Variants in IL1RAPL1 observed in about 807,000 individuals in gnomAD.
IL1RAPL1 encodes interleukin-1 receptor accessory protein-like 1.
IL1RAPL1 carries 3 observed loss-of-function variants against 48.4 expected under a neutral mutation model. The ratio of observed to expected loss-of-function variants is 0.06; its 90% CI spans 0.03 to 0.16. IL1RAPL1 has a LOEUF of 0.16. IL1RAPL1 is among the 10% of genes least tolerant of loss of function. The pLI is 1.00. For synonymous variants in IL1RAPL1, 185 were observed against 187.7 expected (o/e 0.99, Z 0.12); for missense variants, 349 against 530.6 (o/e 0.66, Z 3.36).
intron 5 of IL1RAPL1, among the ~76,000 whole-genome samples, chrX:29,608,088 C>T (rs1602323017): frequency 8.9e-6 from 1 of 112,346 alleles, no homozygotes; most frequent in Non-Finnish European, 1.9e-5. Context: ...TAGAGTTACT[C>T]GTGCATCAGA....
At chrX:29,170,515 C>G (rs935017057) in intron 2 of IL1RAPL1, among the ~76,000 whole-genome samples, 1 of 111,631 alleles carries the variant, frequency 9.0e-6, no homozygotes. Context: ...TTCAATATAA[C>G]TATGATTTCA....
At chrX:28,784,353 T>A (rs1336361981) in intron 1 of IL1RAPL1, among the ~76,000 whole-genome samples, 1 of 111,985 alleles carries the variant, frequency 8.9e-6, no homozygotes, top group African/African-American at 3.2e-5. Flanking sequence ...TTAAGTAAAA[T>A]ATAGTGAATC....
chrX:29,406,217 G>A (rs917350745), intron 5 of IL1RAPL1, among the ~76,000 whole-genome samples: 22 of 111,028 alleles, frequency 2.0e-4, no homozygotes, highest in African/African-American at 6.9e-4. Context: ...GTGGAACCCT[G>A]TCTCTACTAA....
chrX:29,802,804 T>TATGTATAC (rs1569172818), intron 6 of IL1RAPL1, among the ~76,000 whole-genome samples: 18 of 59,409 alleles, frequency 3.0e-4, no homozygotes, highest in African/African-American at 1.6e-3. Context: ...TATATATATA[T>TATGTATAC]ATATATGTGT....
intron 3 of IL1RAPL1, among the ~76,000 whole-genome samples, chrX:29,335,577 C>T (rs1932982044): frequency 9.1e-6 from 1 of 109,656 alleles, no homozygotes; most frequent in African/African-American, 3.3e-5. Flanking sequence ...TAAAAAGTTA[C>T]CACAAACTTG....
chrX:29,005,668 T>C (rs994727726), intron 2 of IL1RAPL1, among the ~76,000 whole-genome samples: 13 of 111,672 alleles, frequency 1.2e-4, no homozygotes, highest in Non-Finnish European at 2.3e-4. Flanking sequence ...TGTTTGCGAG[T>C]AAAGACGTGT....
intron 1 of IL1RAPL1, among the ~76,000 whole-genome samples, chrX:28,765,414 A>C (rs1004873086): frequency 1.6e-4 from 18 of 111,633 alleles, no homozygotes; most frequent in African/African-American, 4.2e-4. Context: ...TGATTTTAAA[A>C]TTATAAAAAT....
At chrX:29,444,189 A>G (rs1934583743) in intron 5 of IL1RAPL1, among the ~76,000 whole-genome samples, 1 of 109,995 alleles carries the variant, frequency 9.1e-6, no homozygotes, top group Non-Finnish European at 1.9e-5. Context: ...TAAAAATACA[A>G]AAATTAGCCG....
intron 2 of IL1RAPL1, among the ~76,000 whole-genome samples, chrX:29,265,465 AT>A (rs1931937172): frequency 1.9e-5 from 2 of 107,387 alleles, no homozygotes; most frequent in Non-Finnish European, 3.9e-5. Context: ...CTTTTTTTTT[AT>A]TTTTTTATTT....
At chrX:29,830,672 C>T (rs1287557261) in intron 6 of IL1RAPL1, among the ~76,000 whole-genome samples, 1 of 110,545 alleles carries the variant, frequency 9.0e-6, no homozygotes, top group East Asian at 2.8e-4. Flanking sequence ...AGCCTTGTCT[C>T]GAACTCCTGG....
intron 6 of IL1RAPL1, among the ~76,000 whole-genome samples, chrX:29,767,626 A>C (rs1462338827): frequency 8.9e-6 from 1 of 112,098 alleles, no homozygotes; most frequent in Non-Finnish European, 1.9e-5. Flanking sequence ...GATTTTCATA[A>C]GGATAAGGCA....
intron 5 of IL1RAPL1, among the ~76,000 whole-genome samples, chrX:29,442,132 A>G (rs1934553607): frequency 8.9e-6 from 1 of 112,032 alleles, no homozygotes; most frequent in African/African-American, 3.3e-5. Context: ...ACAAATCTGG[A>G]GGCATCACAC....
intron 6 of IL1RAPL1, among the ~76,000 whole-genome samples, chrX:29,908,956 T>G (rs1456960242): frequency 8.9e-6 from 1 of 112,149 alleles, no homozygotes; most frequent in Non-Finnish European, 1.9e-5. Flanking sequence ...ACACATTTTA[T>G]GTTCATACAC....
chrX:29,775,213 T>G (rs1307497022), intron 6 of IL1RAPL1, among the ~76,000 whole-genome samples: 1 of 111,599 alleles, frequency 9.0e-6, no homozygotes, highest in African/African-American at 3.3e-5. Context: ...ACACCTACAC[T>G]TATTAATCAT....
chrX:29,206,404 A>G (rs185475142), intron 2 of IL1RAPL1, among the ~76,000 whole-genome samples: 359 of 111,447 alleles, frequency 3.2e-3, no homozygotes, highest in African/African-American at 0.011. Flanking sequence ...ACCTATATAT[A>G]GTCTGGCTTA....
intron 2 of IL1RAPL1, among the ~76,000 whole-genome samples, chrX:29,130,736 A>G (rs762099336): frequency 8.9e-6 from 1 of 112,041 alleles, no homozygotes; most frequent in Admixed American, 9.5e-5. Context: ...ATCACTGGAG[A>G]GGAGTAATAG....
At chrX:29,918,524 A>T (rs1017305683) in intron 7 of IL1RAPL1, among the ~76,000 whole-genome samples, 1 of 108,189 alleles carries the variant, frequency 9.2e-6, no homozygotes, top group Non-Finnish European at 1.9e-5. Context: ...AAAAAAAAAA[A>T]AATTTTCACA....
chrX:29,492,751 G>A (rs1935171800), intron 5 of IL1RAPL1, among the ~76,000 whole-genome samples: 1 of 111,923 alleles, frequency 8.9e-6, no homozygotes, highest in Admixed American at 9.5e-5. Context: ...CCTTTGCCAT[G>A]TACAAGGAAA....
At chrX:28,894,013 G>C (rs1922841319) in intron 2 of IL1RAPL1, among the ~76,000 whole-genome samples, 1 of 111,959 alleles carries the variant, frequency 8.9e-6, no homozygotes, top group South Asian at 3.7e-4. Context: ...TAGAGCAATG[G>C]GATCTGACGC....
Sources: allele counts gnomAD v4.1 joint callset (sites outside exome capture counted in the v4.1 genomes callset), GRCh38; gene constraint gnomAD v4.1.1; transcripts MANE v1.5; gene names NCBI Gene and HGNC (gene_info 2026-07-23, HGNC 2026-07-21).